The following CDKAL1 variants were observed in gnomAD, a reference collection of about 807,000 sequenced individuals.
CDKAL1 encodes CDKAL1 threonylcarbamoyladenosine tRNA methylthiotransferase, also known as threonylcarbamoyladenosine tRNA methylthiotransferase.
CDKAL1 carries 32 observed loss-of-function variants against 68.2 expected under a neutral mutation model. The observed-to-expected ratio is 0.47, with a 90% CI of 0.35 to 0.63. The LOEUF (loss-of-function observed/expected upper bound fraction) is 0.63, where lower values mean the gene tolerates loss of function less well. Among genes scored for constraint, CDKAL1 ranks in the 30% least tolerant of loss-of-function variants. CDKAL1 has a pLI of 0.00. For synonymous variants in CDKAL1, 234 were observed against 244.3 expected (o/e 0.96, Z 0.39); for missense variants, 606 against 696.7 (o/e 0.87, Z 1.47).
At chr6:21,050,209 G>GTAT (rs1338864887) in intron 11 of CDKAL1, among the ~76,000 whole-genome samples, 56 of 152,266 alleles carry the variant, frequency 3.7e-4, no homozygotes, top group Admixed American at 7.8e-4. Context: ...TAAATATTAT[G>GTAT]TATAATTAAT....
intron 5 of CDKAL1, among the ~76,000 whole-genome samples, chr6:20,668,798 A>G (rs1297304038): frequency 6.6e-6 from 1 of 152,150 alleles, no homozygotes; most frequent in Non-Finnish European, 1.5e-5. Context: ...GTCACCTCCA[A>G]TCTGGAACAG....
intron 13 of CDKAL1, among the ~76,000 whole-genome samples, chr6:21,157,935 G>T (rs1343082613): frequency 1.3e-5 from 2 of 152,214 alleles, no homozygotes; most frequent in Non-Finnish European, 2.9e-5. Context: ...CATTTTATTT[G>T]TAATACTTGT....
intron 9 of CDKAL1, among the ~76,000 whole-genome samples, chr6:20,851,114 A>G (rs2150504500): frequency 6.6e-6 from 1 of 152,010 alleles, no homozygotes; most frequent in African/African-American, 2.4e-5. Flanking sequence ...TGTGAGTTTA[A>G]GATTTACCAG....
At chr6:21,012,568 C>A (rs558268714) in intron 11 of CDKAL1, among the ~76,000 whole-genome samples, 1 of 152,174 alleles carries the variant, frequency 6.6e-6, no homozygotes, top group South Asian at 2.1e-4. Context: ...ATTTAAAGCT[C>A]CCATTTGAAA....
At chr6:20,967,130 C>T (rs1209700424) in intron 10 of CDKAL1, among the ~76,000 whole-genome samples, 1 of 152,156 alleles carries the variant, frequency 6.6e-6, no homozygotes, top group African/African-American at 2.4e-5. Flanking sequence ...GCCTCTGTTT[C>T]CAGATGTCCT....
intron 13 of CDKAL1, among the ~76,000 whole-genome samples, chr6:21,182,126 A>G (rs777141774): frequency 6.6e-6 from 1 of 152,212 alleles, no homozygotes; most frequent in African/African-American, 2.4e-5. Context: ...TGAAAGTGAA[A>G]AATAAGAAAC....
intron 9 of CDKAL1, among the ~76,000 whole-genome samples, chr6:20,850,492 G>C (rs1758948415): frequency 6.6e-6 from 1 of 151,908 alleles, no homozygotes; most frequent in Non-Finnish European, 1.5e-5. Context: ...TCTCACTGGA[G>C]TGCAGTGGCA....
chr6:21,064,168 G>A (rs572266741), intron 11 of CDKAL1, among the ~76,000 whole-genome samples: 3 of 152,234 alleles, frequency 2.0e-5, no homozygotes, highest in South Asian at 4.1e-4. Context: ...GGTCAGTTGC[G>A]TGGCCTAAGA....
chr6:21,163,660 C>T (rs539877907), intron 13 of CDKAL1, among the ~76,000 whole-genome samples: 80 of 152,170 alleles, frequency 5.3e-4, no homozygotes, highest in African/African-American at 1.1e-3. Flanking sequence ...TGAAATAATG[C>T]TGTTATCTGG....
chr6:20,982,052 T>TTTAA (rs753743343), intron 10 of CDKAL1, among the ~76,000 whole-genome samples: 2 of 135,546 alleles, frequency 1.5e-5, no homozygotes, highest in African/African-American at 6.3e-5. Context: ...GAAATTCTTA[T>TTTAA]TTATTTATTT....
chr6:20,839,094 G>A (rs963027322), intron 8 of CDKAL1, among the ~76,000 whole-genome samples: 8 of 151,072 alleles, frequency 5.3e-5, no homozygotes, highest in African/African-American at 1.9e-4. Context: ...GTTAAAAGAG[G>A]CCATTTTCTT....
At chr6:21,041,814 C>T (rs1477744230) in intron 11 of CDKAL1, among the ~76,000 whole-genome samples, 1 of 152,064 alleles carries the variant, frequency 6.6e-6, no homozygotes, top group East Asian at 1.9e-4. Flanking sequence ...AATCACGTAA[C>T]ATCAAATAAA....
At chr6:20,810,703 C>T (rs1382297168) in intron 8 of CDKAL1, among the ~76,000 whole-genome samples, 1 of 150,318 alleles carries the variant, frequency 6.7e-6, no homozygotes, top group African/African-American at 2.4e-5. Context: ...TATTCATTCT[C>T]TCTCCTCTCT....
At chr6:21,226,284 GT>G (rs57712859) in intron 15 of CDKAL1, among the ~76,000 whole-genome samples, 56,954 of 138,564 alleles carry the variant, frequency 0.41, 10,922 homozygotes, top group East Asian at 0.57. Flanking sequence ...GAACATGAAA[GT>G]TTTTTTTTTT....
chr6:20,564,093 A>G (rs1764370086), intron 4 of CDKAL1, among the ~76,000 whole-genome samples: 2 of 152,182 alleles, frequency 1.3e-5, no homozygotes, highest in Admixed American at 6.5e-5. Context: ...ATGTGAGGTA[A>G]TATGTTTTTG....
chr6:20,579,345 C>T (rs542410692), intron 4 of CDKAL1, among the ~76,000 whole-genome samples: 9 of 152,176 alleles, frequency 5.9e-5, no homozygotes, highest in Admixed American at 2.0e-4. Context: ...ACATACAATA[C>T]GGATGCCTGA....
At chr6:20,878,646 C>T (rs759194802) in intron 9 of CDKAL1, among the ~76,000 whole-genome samples, 4 of 151,964 alleles carry the variant, frequency 2.6e-5, no homozygotes, top group South Asian at 2.1e-4. Context: ...GAGGCTGAGG[C>T]GCTTGAACTC....
intron 13 of CDKAL1, among the ~76,000 whole-genome samples, chr6:21,165,399 T>C (rs2151068837): frequency 6.6e-6 from 1 of 152,330 alleles, no homozygotes; most frequent in Non-Finnish European, 1.5e-5. Context: ...AGCTAATGGA[T>C]TCTTTTTATT....
intron 10 of CDKAL1, among the ~76,000 whole-genome samples, chr6:20,959,883 T>G (rs1468760817): frequency 5.9e-5 from 9 of 152,204 alleles, no homozygotes; most frequent in African/African-American, 2.2e-4. Flanking sequence ...AGCCTACAGC[T>G]AAAGTATTAA....
Sources: allele counts gnomAD v4.1 joint callset (sites outside exome capture counted in the v4.1 genomes callset), GRCh38; gene constraint gnomAD v4.1.1; transcripts MANE v1.5; gene names NCBI Gene and HGNC (gene_info 2026-07-23, HGNC 2026-07-21).